PLEKHG3: variants seen among roughly 807,000 people sequenced by gnomAD.
PLEKHG3 encodes the protein pleckstrin homology and RhoGEF domain containing G3.
A neutral mutation model predicts 94.9 loss-of-function variants in PLEKHG3; 62 were observed. The observed-to-expected ratio is 0.65, with a 90% CI of 0.53 to 0.81. PLEKHG3 has a LOEUF of 0.81. Among genes scored for constraint, PLEKHG3 ranks in the 30% least tolerant of loss-of-function variants. PLEKHG3 has a pLI of 0.00. For synonymous variants in PLEKHG3, 614 were observed against 654.0 expected (o/e 0.94, Z 0.93); for missense variants, 1,461 against 1,619.3 (o/e 0.90, Z 1.68).
rs1443499733 is a variant in PLEKHG3, at chr14:64,750,077, C to T, written c.*6374C>T. On this transcript the variant is annotated 3_prime_UTR_variant, in exon 17 of 17. Coordinates refer to ENST00000247226, the MANE Select transcript of PLEKHG3 (RefSeq NM_001308147.2). ...GGGTTCCTCCCCATGGTAGGGCATC[C>T]CCAGGGCCAGGTTCTTGGCATCCTT... is the stretch of plus-strand genomic sequence containing the variant. The T allele has an allele frequency of 1.2e-6, 2 of 1,614,186 alleles. No individual in the cohort carries two copies. Among genetic ancestry groups the T allele is most frequent in the South Asian group, 1.1e-5 (1 of 91,086 alleles).
chr14:64,716,496 AACACACACACACACACACACAC>A lies in PLEKHG3; in HGVS notation c.-39-11063_-39-11042del, dbSNP rs58480790. Among the ~76,000 whole-genome samples the A allele has an allele frequency of 8.9e-4, 71 of 79,540 alleles. 1 individual carries two copies. Among genetic ancestry groups the A allele is most frequent in the African/African-American group, 2.4e-3 (47 of 19,658 alleles). The allele number at this position is 79,540 out of a possible 152,430, so 52.2% of individuals were successfully genotyped here. On this transcript the variant is annotated intron_variant, in intron 1 of 16. Coordinates refer to ENST00000247226, the MANE Select transcript of PLEKHG3 (RefSeq NM_001308147.2). This position sits in a 1 kb window ranked among gnomAD's most constrained non-coding sequence, Gnocchi z 5.0. Reference sequence around the variant, plus strand: ...ACACACACACAACACACACACACACAACACACACACACACACACACACACACACACACACACACACACACACA... The same window carrying A: ...ACACACACACAACACACACACACACAACACACACACACACACACACACACA...
rs114711935 is a variant in PLEKHG3 at position 64,747,415 on chromosome 14, G to A, written c.*3712G>A. 3.3e-5 allele frequency: 5 copies of A among 152,782 alleles called. No homozygotes were observed. Among genetic ancestry groups the A allele is most frequent in the African/African-American group, 9.6e-5 (4 of 41,574 alleles). The allele number at this position is 152,782 out of a possible 1,614,324, so 9.5% of individuals were successfully genotyped here. On this transcript the variant is annotated 3_prime_UTR_variant, in exon 17 of 17. Transcript: ENST00000247226. ...TCCCCAGATACAGAAAGAGGCTGGT[G>A]AGTGATACACACTAGGTTCCCTGTA...
Position 64,743,119 on chromosome 14 carries a change from A to C in PLEKHG3, c.3076A>C (p.Thr1026Pro), listed in dbSNP as rs758575296. Reference protein sequence around the residue: ...FFNPSAVSQRTTSPGGRPSAR... With the variant: ...FFNPSAVSQRPTSPGGRPSAR... Reference sequence around the variant, plus strand: ...CAACCCGTCTGCTGTCAGCCAGAGGACCACCTCGCCTGGGGGCCGGCCCTC... The same window carrying C: ...CAACCCGTCTGCTGTCAGCCAGAGGCCCACCTCGCCTGGGGGCCGGCCCTC... The change falls in exon 17 of 17, where the codon ACC (threonine) becomes CCC (proline). Residue 1026 changes from threonine (T) to proline (P), a missense_variant. Physicochemically the swap from Thr to Pro is conservative, Grantham distance 38. Coordinates refer to ENST00000247226, the MANE Select transcript of PLEKHG3 (RefSeq NM_001308147.2). This position sits in a 1 kb window ranked among gnomAD's most constrained non-coding sequence, Gnocchi z 7.2. 1 of 1,612,304 alleles carries C rather than the reference A, an allele frequency of 6.2e-7. No individual in the cohort carries two copies. Among genetic ancestry groups the C allele is most frequent in the South Asian group, 1.1e-5 (1 of 91,074 alleles).
chr14:64,732,038 G>A lies in PLEKHG3; in HGVS notation c.1126-57G>A, dbSNP rs1248237515. On this transcript the variant is annotated intron_variant, in intron 9 of 16. Coordinates refer to ENST00000247226, the MANE Select transcript of PLEKHG3 (RefSeq NM_001308147.2). This position sits in a 1 kb window ranked among gnomAD's most constrained non-coding sequence, Gnocchi z 4.9. ...CTGGGTGGAAGCACTGTCCATGCTA[G>A]ACAGCTTCAGGCCTGTAATGATAAC... 13 of 1,301,626 alleles carry A rather than the reference G, an allele frequency of 1.0e-5. No homozygotes were observed. Among genetic ancestry groups the A allele is most frequent in the Non-Finnish European group, 1.5e-5 (13 of 895,388 alleles). The allele number at this position is 1,301,626 out of a possible 1,614,324, so 80.6% of individuals were successfully genotyped here.
In PLEKHG3 at chr14:64,744,189, G is replaced by C. The variant is rs777970608; in HGVS notation, c.*486G>C. 6.5e-6 allele frequency: 1 copy of C among 153,916 alleles called. No homozygotes were observed. Among genetic ancestry groups the C allele is most frequent in the African/African-American group, 2.4e-5 (1 of 41,464 alleles). The allele number at this position is 153,916 out of a possible 1,614,324, so 9.5% of individuals were successfully genotyped here. A position where few individuals can be genotyped will look rare whatever the true frequency, so the allele number is the denominator to read the frequency against. ...ATTCTGTGGTATGATGTGCGTGTGC[G>C]TGAGTGTGTGGCCCCTGTTTATTCC... On this transcript the variant is annotated 3_prime_UTR_variant, in exon 17 of 17. Transcript: ENST00000247226.
intron 16 of PLEKHG3, 47 bp from the exon 17 acceptor site, chr14:64,742,935 T>A: frequency 6.2e-7 from 1 of 1,607,294 alleles, no homozygotes; most frequent in Non-Finnish European, 8.5e-7. Flanking sequence ...CCCTTGCAGC[T>A]CTGCCCTCCC....
Position 64,731,423 on chromosome 14 carries a change from C to T in PLEKHG3, c.912C>T (p.Val304=), listed in dbSNP as rs1410282095. The T allele has an allele frequency of 3.7e-6, 6 of 1,613,914 alleles. No individual in the cohort carries two copies. The highest frequency in any genetic ancestry group is 2.7e-5 in the African/African-American group (2 of 74,916). ...GPDLTTYGEL[V]LEGTFRVHRV... The stretch of plus-strand genomic sequence containing the variant: ...ACCTGACCACCTACGGGGAGCTTGT[C>T]CTGGAGGGCACATTCCGCGTGCATC... The change falls in exon 8 of 17, where the codon GTC becomes GTT. Residue 304 remains valine (V), a synonymous_variant. Transcript: ENST00000247226. This position sits in a 1 kb window ranked among gnomAD's most constrained non-coding sequence, Gnocchi z 6.1.
In PLEKHG3 at chr14:64,717,888, G is replaced by C. The variant is rs1425556735; in HGVS notation, c.-39-9705G>C. Among the ~76,000 whole-genome samples the C allele has an allele frequency of 1.3e-5, 2 of 152,182 alleles. No homozygotes were observed. The highest frequency in any genetic ancestry group is 6.5e-5 in the Admixed American group (1 of 15,280). ...TCGTCTCATGGAGCCCCATTTCCAC[G>C]TGTCTTGGTAGTTGTTCTTCCAGAC... On this transcript the variant is annotated intron_variant, in intron 1 of 16. Transcript: ENST00000247226. This position sits in a 1 kb window ranked among gnomAD's most constrained non-coding sequence, Gnocchi z 4.7.
At position 64,746,581 on chromosome 14, in the gene PLEKHG3, C is replaced by T. The variant is rs1453773626; in HGVS notation, c.*2878C>T. 1 of 152,448 alleles carries T rather than the reference C, an allele frequency of 6.6e-6. No homozygotes were observed. Among genetic ancestry groups the T allele is most frequent in the Admixed American group, 6.5e-5 (1 of 15,272 alleles). 9.4% of individuals were successfully genotyped at this position (152,448 alleles called of 1,614,324 possible). ...AGGGTCAGCCTAGGGGACCCTGGCT[C>T]CCTCCGATAGGCAGGAAGGAGGAGG... is the stretch of plus-strand genomic sequence containing the variant. On this transcript the variant is annotated 3_prime_UTR_variant, in exon 17 of 17. Transcript: ENST00000247226. This position sits in a 1 kb window ranked among gnomAD's most constrained non-coding sequence, Gnocchi z 4.9.
At chr14:64,714,368 C>T (rs983144737) in intron 1 of PLEKHG3, among the ~76,000 whole-genome samples, 2 of 152,224 alleles carry the variant, frequency 1.3e-5, no homozygotes, top group African/African-American at 4.8e-5. Flanking sequence ...ATACAGGTCT[C>T]TCTGCTCTAG....
chr14:64,737,104 C>G, intron 13 of PLEKHG3: 1 of 649,488 alleles, frequency 1.5e-6, no homozygotes, highest in South Asian at 1.8e-5. Flanking sequence ...GCCTCATGCC[C>G]TTTCCTCCGG....
chr14:64,730,538 C>G lies in PLEKHG3; in HGVS notation c.520-104C>G. On this transcript the variant is annotated intron_variant, in intron 4 of 16. Transcript: ENST00000247226. The surrounding 1 kb of genome is among the most constrained non-coding windows in gnomAD (Gnocchi z 5.4). ...AGATGGCTCTGTAGGCATTTGGGAA[C>G]AGGGGACAGAGGGTGCTCTGGGGGC... The G allele has an allele frequency of 2.1e-6, 2 of 945,070 alleles. No individual in the cohort carries two copies. The highest frequency in any genetic ancestry group is 1.7e-6 in the Non-Finnish European group (1 of 592,334). 58.5% of individuals were successfully genotyped at this position (945,070 alleles called of 1,614,324 possible).
Position 64,748,144 on chromosome 14 carries a change from G to A in PLEKHG3, c.*4441G>A, listed in dbSNP as rs2081877564. 1 of 152,164 alleles carries A rather than the reference G, an allele frequency of 6.6e-6. No homozygotes were observed. Among genetic ancestry groups the A allele is most frequent in the Non-Finnish European group, 1.5e-5 (1 of 68,044 alleles). 9.4% of individuals were successfully genotyped at this position (152,164 alleles called of 1,614,324 possible). A position where few individuals can be genotyped will look rare whatever the true frequency, so the allele number is the denominator to read the frequency against. On this transcript the variant is annotated 3_prime_UTR_variant, in exon 17 of 17. Transcript: ENST00000247226. ...TGACATTTGTCCCAGTTGTGCAGGAGTAGCTGTCACATGGGTGGTGATACC... is the reference window on the plus strand; with the variant it reads ...TGACATTTGTCCCAGTTGTGCAGGAATAGCTGTCACATGGGTGGTGATACC...
Position 64,731,953 on chromosome 14 carries a change from G to A in PLEKHG3, c.1126-142G>A. 1 of 837,552 alleles carries A rather than the reference G, an allele frequency of 1.2e-6. No individual in the cohort carries two copies. Among genetic ancestry groups the A allele is most frequent in the African/African-American group, 1.7e-5 (1 of 59,838 alleles). 51.9% of individuals were successfully genotyped at this position (837,552 alleles called of 1,614,324 possible). On this transcript the variant is annotated intron_variant, in intron 9 of 16. Coordinates refer to ENST00000247226, the MANE Select transcript of PLEKHG3 (RefSeq NM_001308147.2). The surrounding 1 kb of genome is among the most constrained non-coding windows in gnomAD (Gnocchi z 6.1). ...AGGATCATTGCAGGCACCTCTCAGG[G>A]TCAAAGTGAGGAGTCAGGTTAACCT... is the stretch of plus-strand genomic sequence containing the variant.
At position 64,738,279 on chromosome 14, in the gene PLEKHG3, G is replaced by A; in HGVS notation, c.1405-463G>A. On this transcript the variant is annotated intron_variant, in intron 14 of 16. Transcript: ENST00000247226. The surrounding 1 kb of genome is among the most constrained non-coding windows in gnomAD (Gnocchi z 4.8). ...CTTGCATGCTCCCTGGGATGTGCAT[G>A]CCCACCCGAGGGCCCCCTCTGCTGC... The A allele has an allele frequency of 8.6e-7, 1 of 1,164,724 alleles. No individual in the cohort carries two copies. Among genetic ancestry groups the A allele is most frequent in the South Asian group, 1.3e-5 (1 of 76,262 alleles). 72.1% of individuals were successfully genotyped at this position (1,164,724 alleles called of 1,614,324 possible).
In PLEKHG3 at chr14:64,720,022, G is replaced by GTGCT. The variant is rs201117319; in HGVS notation, c.-39-7570_-39-7567dup. ...GGGGCACATTGCATAGTGACAAGTTGTGCTGGCAGCCAAGTTACCTCTACA... is the reference window on the plus strand; with the variant it reads ...GGGGCACATTGCATAGTGACAAGTTGTGCTTGCTGGCAGCCAAGTTACCTCTACA... On this transcript the variant is annotated intron_variant, in intron 1 of 16. Transcript: ENST00000247226. This position sits in a 1 kb window ranked among gnomAD's most constrained non-coding sequence, Gnocchi z 4.1. 2.6e-3 allele frequency among the ~76,000 whole-genome samples: 396 copies of GTGCT among 152,316 alleles called. 2 individuals are homozygous for GTGCT. The highest frequency in any genetic ancestry group is 9.0e-3 in the African/African-American group (375 of 41,572).
At chr14:64,707,835 A>G (rs2080996802) in intron 1 of PLEKHG3, among the ~76,000 whole-genome samples, 2 of 152,166 alleles carry the variant, frequency 1.3e-5, no homozygotes, top group South Asian at 4.1e-4. Flanking sequence ...GTGGACTTTG[A>G]TGTGGTGCTA....
At position 64,739,074 on chromosome 14, in the gene PLEKHG3, C is replaced by T. The variant is rs935021399; in HGVS notation, c.1518+219C>T. Among the ~76,000 whole-genome samples, 1 of 152,146 alleles carries T rather than the reference C, an allele frequency of 6.6e-6. No individual in the cohort carries two copies. Among genetic ancestry groups the T allele is most frequent in the Non-Finnish European group, 1.5e-5 (1 of 68,006 alleles). On this transcript the variant is annotated intron_variant, in intron 15 of 16. Coordinates refer to ENST00000247226, the MANE Select transcript of PLEKHG3 (RefSeq NM_001308147.2). This position sits in a 1 kb window ranked among gnomAD's most constrained non-coding sequence, Gnocchi z 4.1. Reference sequence around the variant, plus strand: ...CCTTTCTATGAAGTAGAGAAAGGCTCCCCTTTGGGCAGATGCAGTCCCATG... The same window carrying T: ...CCTTTCTATGAAGTAGAGAAAGGCTTCCCTTTGGGCAGATGCAGTCCCATG...
In PLEKHG3 at chr14:64,745,004, G is replaced by A. The variant is rs1272452647; in HGVS notation, c.*1301G>A. On this transcript the variant is annotated 3_prime_UTR_variant, in exon 17 of 17. Transcript: ENST00000247226. This position sits in a 1 kb window ranked among gnomAD's most constrained non-coding sequence, Gnocchi z 5.0. Reference sequence around the variant, plus strand: ...TTGACCAGGCTGGTCTCGAACTTCTGACCTCAGGTGATCCACCCACCTCGG... The same window carrying A: ...TTGACCAGGCTGGTCTCGAACTTCTAACCTCAGGTGATCCACCCACCTCGG... 1 of 152,110 alleles carries A rather than the reference G, an allele frequency of 6.6e-6. No homozygotes were observed. The highest frequency in any genetic ancestry group is 1.5e-5 in the Non-Finnish European group (1 of 68,058). The allele number at this position is 152,110 out of a possible 1,614,324, so 9.4% of individuals were successfully genotyped here. A position where few individuals can be genotyped will look rare whatever the true frequency, so the allele number is the denominator to read the frequency against.
Sources: gnomAD v4.1 joint callset for allele counts (sites outside exome capture counted in the v4.1 genomes callset) on GRCh38, gnomAD v4.1.1 for gene constraint, Gnocchi (gnomAD v3.1) non-coding constraint, MANE v1.5 for transcripts, NCBI Gene and HGNC (gene_info 2026-07-23, HGNC 2026-07-21) for gene names.